The following ZNF841 variants were observed in gnomAD, a reference collection of about 807,000 sequenced individuals.
The protein encoded by ZNF841 is zinc finger protein 841, also known as TCONS_00006091.
ZNF841 carries 11 observed loss-of-function variants against 13.0 expected under a neutral mutation model. The observed-to-expected ratio is 0.85, with a 90% CI of 0.53 to 1.40. The LOEUF is 1.40. ZNF841 is among the 40% of genes most tolerant of loss of function. ZNF841 has a pLI of 0.00. For synonymous variants in ZNF841, 369 were observed against 381.6 expected (o/e 0.97, Z 0.38); for missense variants, 1,068 against 1,139.5 (o/e 0.94, Z 0.90).
At position 52,088,486 on chromosome 19, in the gene ZNF841, C is replaced by G. The variant is rs192265293; in HGVS notation, c.-78+451G>C. ...ATCACTTAGTACCATAAAACACACA[C>G]AAATCTATTCTAAGTTAAAATGTAC... On this transcript the variant is annotated intron_variant, in intron 3 of 6. Coordinates refer to ENST00000594440, the MANE Select transcript of ZNF841 (RefSeq NM_001136499.2). Among the ~76,000 whole-genome samples the G allele has an allele frequency of 6.6e-5, 10 of 152,228 alleles. No individual in the cohort carries two copies. In the East Asian group the frequency reaches 1.9e-3, roughly 29 times the overall value.
At chr19:52,058,848 T>A in the ZNF841 span, 2 of 151,842 alleles carry the variant, frequency 1.3e-5, no homozygotes, top group South Asian at 2.1e-4. Flanking sequence ...TTTATTTATT[T>A]ATTATTTATT....
At chr19:52,060,497 C>T (rs891329632), downstream of ZNF841, among the ~76,000 whole-genome samples, 4 of 151,560 alleles carry the variant, frequency 2.6e-5, no homozygotes, top group East Asian at 1.9e-4. Flanking sequence ...TCCTTTTCCT[C>T]GTTTTTGTTT....
downstream of ZNF841, among the ~76,000 whole-genome samples, chr19:52,062,313 G>A (rs1467938925): frequency 1.3e-5 from 2 of 152,122 alleles, no homozygotes; most frequent in East Asian, 3.8e-4. Flanking sequence ...TGAAAAGAAT[G>A]TACAAATCTA....
chr19:52,075,006 T>A (rs2087852814), intron 6 of ZNF841, among the ~76,000 whole-genome samples: 1 of 152,194 alleles, frequency 6.6e-6, no homozygotes, highest in Admixed American at 6.5e-5. Context: ...AATAGTTACC[T>A]CTGTATGTAG....
chr19:52,067,218 G>A lies in ZNF841; in HGVS notation c.664C>T (p.Pro222Ser). ...RTVNNCFLASPLQRIFPGVQT... is the reference protein window; with the variant it reads ...RTVNNCFLASSLQRIFPGVQT... ...ACACCAGGAAAAATTCTTTGAAGTGGTGAAGCTAAAAAACAATTATTAACT... is the reference window on the plus strand; with the variant it reads ...ACACCAGGAAAAATTCTTTGAAGTGATGAAGCTAAAAAACAATTATTAACT... The change falls in exon 7 of 7, where the codon CCA (proline) becomes TCA (serine). Residue 222 changes from proline to serine, a missense_variant. By Grantham distance (74) the Pro-to-Ser change is moderately conservative. Coordinates refer to ENST00000594440, the MANE Select transcript of ZNF841 (RefSeq NM_001136499.2). 7 of 1,549,604 alleles carry A rather than the reference G, an allele frequency of 4.5e-6. No individual in the cohort carries two copies. The highest frequency in any genetic ancestry group is 6.1e-6 in the Non-Finnish European group (7 of 1,146,414).
Position 52,066,413 on chromosome 19 carries a change from C to T in ZNF841, c.1469G>A (p.Cys490Tyr), listed in dbSNP as rs2087562818. 1 of 1,613,990 alleles carries T rather than the reference C, an allele frequency of 6.2e-7. No homozygotes were observed. The highest frequency in any genetic ancestry group is 8.5e-7 in the Non-Finnish European group (1 of 1,180,006). The change falls in exon 7 of 7, where the codon TGT (cysteine) becomes TAT (tyrosine). Residue 490 changes from cysteine (C) to tyrosine (Y), a missense_variant. Cys to Tyr is a radical substitution (Grantham distance 194). Coordinates refer to ENST00000594440, the MANE Select transcript of ZNF841 (RefSeq NM_001136499.2). Reference sequence around the variant, plus strand: ...TGAATGTTGACTGAAGACCTTGCCACATTCATTACATTTGTAGGGTTTCTC... The same window carrying T: ...TGAATGTTGACTGAAGACCTTGCCATATTCATTACATTTGTAGGGTTTCTC... ...TGEKPYKCNE[C>Y]GKVFSQHSHL... is the part of the protein sequence containing the mutation.
chr19:52,073,286 AGTT>A lies in ZNF841; in HGVS notation c.271+2755_271+2757del, dbSNP rs1338212144. ...GAAAAACTTTTCTGGACAAAATACA[AGTT>A]GTTGTTTTTTTTTCTTTTTTTTTTT... On this transcript the variant is annotated intron_variant, in intron 6 of 6. Coordinates refer to ENST00000594440, the MANE Select transcript of ZNF841 (RefSeq NM_001136499.2). Among the ~76,000 whole-genome samples the A allele has an allele frequency of 2.0e-5, 3 of 151,862 alleles. No homozygotes were observed. The East Asian group carries it at 5.8e-4, about 29-fold the overall frequency.
intron 1 of ZNF841, among the ~76,000 whole-genome samples, chr19:52,094,795 G>A (rs147386047): frequency 1.1e-3 from 160 of 152,120 alleles, no homozygotes; most frequent in African/African-American, 3.4e-3. Flanking sequence ...TCTGTCTGCA[G>A]TGCCTCCTCC....
chr19:52,065,039 TTAC>T lies in ZNF841; in HGVS notation c.*65_*67del. 7.4e-7 allele frequency: 1 copy of T among 1,350,534 alleles called. No individual in the cohort carries two copies. The highest frequency in any genetic ancestry group is 9.8e-7 in the Non-Finnish European group (1 of 1,015,368). The allele number at this position is 1,350,534 out of a possible 1,614,324, so 83.7% of individuals were successfully genotyped here. A position where few individuals can be genotyped will look rare whatever the true frequency, so the allele number is the denominator to read the frequency against. Reference sequence around the variant, plus strand: ...TAGGCTCCACCTCCAATACTGGAGATTACTACAATTCCACATGAGACTTCAAAG... The same window carrying T: ...TAGGCTCCACCTCCAATACTGGAGATTACAATTCCACATGAGACTTCAAAG... On this transcript the variant is annotated 3_prime_UTR_variant, in exon 7 of 7. Coordinates refer to ENST00000594440, the MANE Select transcript of ZNF841 (RefSeq NM_001136499.2).
intron 6 of ZNF841, among the ~76,000 whole-genome samples, chr19:52,070,782 A>G (rs1478814823): frequency 6.6e-6 from 1 of 152,182 alleles, no homozygotes; most frequent in African/African-American, 2.4e-5. Flanking sequence ...TGATTTACGC[A>G]GTGTTATCAG....
At position 52,065,928 on chromosome 19, in the gene ZNF841, G is replaced by T. The variant is rs765581544; in HGVS notation, c.1954C>A (p.Pro652Thr). ...TTGCCACAATCATTACATTTATAAG[G>T]TTTCTCTCCGGTATGAATTTTCCGA... ...RHRKIHTGEK[P>T]YKCNDCGKAY... Residue 652 changes from proline to threonine, a missense_variant, in exon 7 of 7, where the codon CCT (proline) becomes ACT (threonine). Coordinates refer to ENST00000594440, the MANE Select transcript of ZNF841 (RefSeq NM_001136499.2). 5 of 1,614,042 alleles carry T rather than the reference G, an allele frequency of 3.1e-6. No homozygotes were observed. The African/African-American group carries it at 5.3e-5, about 17-fold the overall frequency.
chr19:52,073,354 A>G (rs2087796777), intron 6 of ZNF841, among the ~76,000 whole-genome samples: 2 of 151,720 alleles, frequency 1.3e-5, no homozygotes, highest in African/African-American at 4.8e-5. Context: ...GCTGAAGTAC[A>G]GCAGTGTGAT....
rs1175107475 is a variant in ZNF841 at position 52,084,871 on chromosome 19, A to C, written c.-70T>G. The stretch of plus-strand genomic sequence containing the variant: ...CAGTCAATATAATTAATTCTTTAAA[A>C]GTCAAATCTGAAAGTCAAAAATATG... On this transcript the variant is annotated 5_prime_UTR_variant, in exon 4 of 7. Transcript: ENST00000594440. 1.3e-6 allele frequency: 2 copies of C among 1,520,484 alleles called. No homozygotes were observed. Among genetic ancestry groups the C allele is most frequent in the African/African-American group, 2.8e-5 (2 of 71,194 alleles). The allele number at this position is 1,520,484 out of a possible 1,614,324, so 94.2% of individuals were successfully genotyped here.
At chr19:52,061,458 T>C (rs966775901), downstream of ZNF841, among the ~76,000 whole-genome samples, 3 of 152,028 alleles carry the variant, frequency 2.0e-5, no homozygotes, top group African/African-American at 7.2e-5. Flanking sequence ...TACCAAAACC[T>C]AGCAATCTGT....
chr19:52,068,958 C>T (rs540857204), intron 6 of ZNF841, among the ~76,000 whole-genome samples: 1 of 152,210 alleles, frequency 6.6e-6, no homozygotes, highest in East Asian at 1.9e-4. Flanking sequence ...GGCAACAGAG[C>T]GAGACTGCCT....
chr19:52,059,263 T>C, the ZNF841 span, among the ~76,000 whole-genome samples: 1 of 143,178 alleles, frequency 7.0e-6, no homozygotes, highest in Non-Finnish European at 1.5e-5. Context: ...GGCAGGAGAA[T>C]GGCAAGAACC....
Position 52,084,769 on chromosome 19 carries a change from C to T in ZNF841, c.15+18G>A. ...AAAAGGGAGGAGACAGAACAATCCA[C>T]CAAGATTATCACTTTACCTGAGGAA... On this transcript the variant is annotated intron_variant, in intron 4 of 6. Coordinates refer to ENST00000594440, the MANE Select transcript of ZNF841 (RefSeq NM_001136499.2). 6.2e-7 allele frequency: 1 copy of T among 1,613,292 alleles called. No homozygotes were observed. Among genetic ancestry groups the T allele is most frequent in the Non-Finnish European group, 8.5e-7 (1 of 1,179,604 alleles).
At chr19:52,077,304 G>C (rs1316608843) in intron 4 of ZNF841, among the ~76,000 whole-genome samples, 2 of 152,160 alleles carry the variant, frequency 1.3e-5, no homozygotes, top group Non-Finnish European at 2.9e-5. Context: ...TCTCACTTTT[G>C]TGGACAAAAT....
downstream of ZNF841, among the ~76,000 whole-genome samples, chr19:52,061,786 T>C (rs557042735): frequency 9.2e-5 from 14 of 152,228 alleles, no homozygotes; most frequent in African/African-American, 3.4e-4. Flanking sequence ...CCTCAGGTGA[T>C]CTGCCCAGCT....
Sources: allele counts gnomAD v4.1 joint callset (sites outside exome capture counted in the v4.1 genomes callset), GRCh38; gene constraint gnomAD v4.1.1; transcripts MANE v1.5; gene names NCBI Gene and HGNC (gene_info 2026-07-23, HGNC 2026-07-21).